Variants in PLCG1 observed in about 807,000 individuals in gnomAD.
PLCG1 encodes the protein phospholipase C gamma 1, also known as 1-phosphatidylinositol 4,5-bisphosphate phosphodiesterase gamma-1.
In PLCG1, 71 loss-of-function variants were observed where a neutral mutation model predicts 177.8. That is an observed-to-expected ratio of 0.40 (90% CI 0.33 to 0.49). The LOEUF (loss-of-function observed/expected upper bound fraction) is 0.49, where lower values mean the gene tolerates loss of function less well. PLCG1 is among the 20% of genes least tolerant of loss of function. The pLI is 0.72. For missense variants in PLCG1, 1,281 were observed against 1,709.0 expected (o/e 0.75, Z 4.42); for synonymous variants, 658 against 647.9 (o/e 1.02, Z -0.24).
chr20:41,171,457 G>A (rs955682425), intron 24 of PLCG1, among the ~76,000 whole-genome samples: 4 of 151,874 alleles, frequency 2.6e-5, no homozygotes, highest in East Asian at 1.9e-4. Context: ...CATGTTGGCC[G>A]GCACCTGTAA....
In PLCG1 at chr20:41,160,283, C is replaced by T. The variant is rs2035454983; in HGVS notation, c.512+130C>T. On this transcript the variant is annotated intron_variant, in intron 4 of 31. Coordinates refer to ENST00000685551, the MANE Select transcript of PLCG1 (RefSeq NM_002660.3). The surrounding 1 kb of genome is among the most constrained non-coding windows in gnomAD (Gnocchi z 5.5). ...CCTTAAGTGGGGCCAGGAGGGTGGG[C>T]AGAAGGTTCTGCCACGTGTAGCTTT... The T allele has an allele frequency of 2.5e-6, 2 of 805,826 alleles. No individual in the cohort carries two copies. The highest frequency in any genetic ancestry group is 5.2e-5 in the East Asian group (2 of 38,410). The allele number at this position is 805,826 out of a possible 1,614,324, so 49.9% of individuals were successfully genotyped here. A position where few individuals can be genotyped will look rare whatever the true frequency, so the allele number is the denominator to read the frequency against.
Position 41,170,182 on chromosome 20 carries a change from GT to G in PLCG1, c.2722del (p.Ser908ProfsTer16). On this transcript the variant is annotated frameshift_variant, in exon 24 of 32. Coordinates refer to ENST00000685551, the MANE Select transcript of PLCG1 (RefSeq NM_002660.3). LOFTEE classifies it high-confidence loss of function. ...SISMASVAHW[S>X]LDVAADSQEE... ...TCAGCATGGCGTCGGTGGCCCACTG[GT>G]CCCTGGATGTTGCTGCCGACTCACA... The G allele has an allele frequency of 6.2e-7, 1 of 1,614,116 alleles. No homozygotes were observed. Among genetic ancestry groups the G allele is most frequent in the Non-Finnish European group, 8.5e-7 (1 of 1,179,994 alleles).
Position 41,163,939 on chromosome 20 carries a change from G to T in PLCG1, c.1029G>T (p.Gln343His), listed in dbSNP as rs1196868443. The T allele has an allele frequency of 1.2e-6, 2 of 1,614,182 alleles. No individual in the cohort carries two copies. The highest frequency in any genetic ancestry group is 1.7e-6 in the Non-Finnish European group (2 of 1,180,034). The stretch of plus-strand genomic sequence containing the variant: ...TATCCAGGTACCTGACCGGGGACCA[G>T]TTCTCCAGTGAGTCCTCCTTGGAAG... Reference protein sequence around the residue: ...SSHNTYLTGDQFSSESSLEAY... With the variant: ...SSHNTYLTGDHFSSESSLEAY... Residue 343 changes from glutamine to histidine, a missense_variant, in exon 11 of 32, where the codon CAG (glutamine) becomes CAT (histidine). Physicochemically the swap from Gln to His is conservative, Grantham distance 24. Coordinates refer to ENST00000685551, the MANE Select transcript of PLCG1 (RefSeq NM_002660.3). This position sits in a 1 kb window ranked among gnomAD's most constrained non-coding sequence, Gnocchi z 5.2.
At chr20:41,141,125 G>A (rs928933767) in intron 1 of PLCG1, among the ~76,000 whole-genome samples, 4 of 152,180 alleles carry the variant, frequency 2.6e-5, no homozygotes, top group Non-Finnish European at 4.4e-5. Context: ...GTTCAGACTC[G>A]TGTTTAATGA....
rs902300408 is a variant in PLCG1, at chr20:41,174,602, C to T, written c.*93C>T. 6 of 1,126,272 alleles carry T rather than the reference C, an allele frequency of 5.3e-6. No individual in the cohort carries two copies. Among genetic ancestry groups the T allele is most frequent in the Non-Finnish European group, 7.9e-6 (6 of 761,906 alleles). The allele number at this position is 1,126,272 out of a possible 1,614,324, so 69.8% of individuals were successfully genotyped here. On this transcript the variant is annotated 3_prime_UTR_variant, in exon 32 of 32. Coordinates refer to ENST00000685551, the MANE Select transcript of PLCG1 (RefSeq NM_002660.3). This position sits in a 1 kb window ranked among gnomAD's most constrained non-coding sequence, Gnocchi z 5.8. Reference sequence around the variant, plus strand: ...TTTGGAAGCAGCCCCCTGTGGCGGCCTTCCGGGTCTCGCAGCCTGAAGCCT... The same window carrying T: ...TTTGGAAGCAGCCCCCTGTGGCGGCTTTCCGGGTCTCGCAGCCTGAAGCCT...
Position 41,168,843 on chromosome 20 carries a change from A to G in PLCG1, c.2456A>G (p.Gln819Arg). Residue 819 changes from glutamine (Q) to arginine (R), a missense_variant, in exon 21 of 32, where the codon CAG becomes CGG. This residue lies in a region of PLCG1 where 723 missense variants were observed against 1,030.0 expected (regional missense o/e 0.70). Coordinates refer to ENST00000685551, the MANE Select transcript of PLCG1 (RefSeq NM_002660.3). ...ACCTTCATCAAGAGCGCCATCATCC[A>G]GAATGTGGAGAAGCAAGAGGGAGGC... is the stretch of plus-strand genomic sequence containing the variant. ...ELTFIKSAII[Q>R]NVEKQEGGWW... 2.5e-6 allele frequency: 4 copies of G among 1,611,662 alleles called. No individual in the cohort carries two copies. The highest frequency in any genetic ancestry group is 3.4e-6 in the Non-Finnish European group (4 of 1,178,782).
Position 41,151,508 on chromosome 20 carries a change from C to T in PLCG1, c.218-8098C>T, listed in dbSNP as rs1468841424. On this transcript the variant is annotated intron_variant, in intron 1 of 31. Coordinates refer to ENST00000685551, the MANE Select transcript of PLCG1 (RefSeq NM_002660.3). This position sits in a 1 kb window ranked among gnomAD's most constrained non-coding sequence, Gnocchi z 5.5. ...CTGTGACCTCAGAAGTCCCTGAACC[C>T]AGATCCTTGTTTGTAAAATGGAAAG... Among the ~76,000 whole-genome samples the T allele has an allele frequency of 6.6e-6, 1 of 152,238 alleles. No homozygotes were observed. The highest frequency in any genetic ancestry group is 1.5e-5 in the Non-Finnish European group (1 of 68,044).
At position 41,144,970 on chromosome 20, in the gene PLCG1, G is replaced by A. The variant is rs1186431141; in HGVS notation, c.217+7112G>A. On this transcript the variant is annotated intron_variant, in intron 1 of 31. Transcript: ENST00000685551. This position sits in a 1 kb window ranked among gnomAD's most constrained non-coding sequence, Gnocchi z 4.1. ...CTCTGGCATTTGCTAACTGTGCCAA[G>A]CACTGTGGAGACCAGTAGTGGACAT... 6.6e-6 allele frequency among the ~76,000 whole-genome samples: 1 copy of A among 152,188 alleles called. No homozygotes were observed. The highest frequency in any genetic ancestry group is 1.5e-5 in the Non-Finnish European group (1 of 68,034).
In PLCG1 at chr20:41,156,326, G is replaced by A. The variant is rs1378689186; in HGVS notation, c.218-3280G>A. On this transcript the variant is annotated intron_variant, in intron 1 of 31. Transcript: ENST00000685551. This position sits in a 1 kb window ranked among gnomAD's most constrained non-coding sequence, Gnocchi z 5.0. ...CCAGGCAGCATTCACTGTGGGCTTG[G>A]GGACATGGTGCCATTCCTGAAGCCT... Among the ~76,000 whole-genome samples the A allele has an allele frequency of 1.3e-5, 2 of 152,164 alleles. No homozygotes were observed. Among genetic ancestry groups the A allele is most frequent in the Non-Finnish European group, 2.9e-5 (2 of 68,016 alleles).
In PLCG1 at chr20:41,174,495, G is replaced by C; in HGVS notation, c.3862G>C (p.Asp1288His). ...CCCAAGAAGGACTCGGGTCAATGGAGACAACCGCCTCTAGTTGTACCCCAG... is the reference window on the plus strand; with the variant it reads ...CCCAAGAAGGACTCGGGTCAATGGACACAACCGCCTCTAGTTGTACCCCAG... ...RAPRRTRVNGDNRL is the reference protein window; with the variant it reads ...RAPRRTRVNGHNRL Residue 1288 changes from aspartate (D) to histidine (H), a missense_variant, in exon 32 of 32, where the codon GAC becomes CAC. Asp to His is a moderately conservative substitution (Grantham distance 81, BLOSUM62 -1). Transcript: ENST00000685551. The surrounding 1 kb of genome is among the most constrained non-coding windows in gnomAD (Gnocchi z 5.8). The C allele has an allele frequency of 6.3e-7, 1 of 1,582,944 alleles. No homozygotes were observed.
rs2035026341 is a variant in PLCG1, at chr20:41,147,358, C to G, written c.217+9500C>G. On this transcript the variant is annotated intron_variant, in intron 1 of 31. Coordinates refer to ENST00000685551, the MANE Select transcript of PLCG1 (RefSeq NM_002660.3). This position sits in a 1 kb window ranked among gnomAD's most constrained non-coding sequence, Gnocchi z 4.0. Reference sequence around the variant, plus strand: ...TGAGAACAGAATGTCTGTTGCCAGACTGATCACAAGAGGATGGCCTGGTTC... The same window carrying G: ...TGAGAACAGAATGTCTGTTGCCAGAGTGATCACAAGAGGATGGCCTGGTTC... Among the ~76,000 whole-genome samples, 1 of 152,250 alleles carries G rather than the reference C, an allele frequency of 6.6e-6. No individual in the cohort carries two copies. The highest frequency in any genetic ancestry group is 2.4e-5 in the African/African-American group (1 of 41,464).
chr20:41,152,139 G>A (rs758696474), intron 1 of PLCG1, among the ~76,000 whole-genome samples: 102 of 152,010 alleles, frequency 6.7e-4, no homozygotes, highest in Non-Finnish European at 1.2e-3. Flanking sequence ...TGGGGAACTG[G>A]GAGGGACTCA....
Position 41,153,312 on chromosome 20 carries a change from G to T in PLCG1, c.218-6294G>T, listed in dbSNP as rs1441685112. 2.6e-5 allele frequency among the ~76,000 whole-genome samples: 4 copies of T among 152,114 alleles called. No individual in the cohort carries two copies. The highest frequency in any genetic ancestry group is 4.8e-5 in the African/African-American group (2 of 41,418). On this transcript the variant is annotated intron_variant, in intron 1 of 31. Transcript: ENST00000685551. The surrounding 1 kb of genome is among the most constrained non-coding windows in gnomAD (Gnocchi z 5.1). ...GTTTTTAGAGAAAGGATCTCGCTTTGTTGGCCAGGCTGGAGTACAGTACTG... is the reference window on the plus strand; with the variant it reads ...GTTTTTAGAGAAAGGATCTCGCTTTTTTGGCCAGGCTGGAGTACAGTACTG...
intron 1 of PLCG1, among the ~76,000 whole-genome samples, chr20:41,154,497 C>A (rs569998617): frequency 6.6e-6 from 1 of 152,294 alleles, no homozygotes; most frequent in East Asian, 1.9e-4. Flanking sequence ...TGAACTCTGC[C>A]GGGGCAACAG....
chr20:41,141,473 C>A (rs541340546), intron 1 of PLCG1, among the ~76,000 whole-genome samples: 31 of 152,368 alleles, frequency 2.0e-4, no homozygotes, highest in African/African-American at 7.2e-4. Flanking sequence ...TGGGGCTTGA[C>A]CCCTGTGGCT....
chr20:41,138,552 C>T (rs2034695668), intron 1 of PLCG1, among the ~76,000 whole-genome samples: 1 of 151,152 alleles, frequency 6.6e-6, no homozygotes, highest in East Asian at 2.0e-4. Context: ...GGCAGACACT[C>T]AATGCCAGGG....
chr20:41,154,857 G>A lies in PLCG1; in HGVS notation c.218-4749G>A, dbSNP rs992177522. On this transcript the variant is annotated intron_variant, in intron 1 of 31. Coordinates refer to ENST00000685551, the MANE Select transcript of PLCG1 (RefSeq NM_002660.3). ...GGCAGGTTCTCAGCTGGCCCTGAGG[G>A]TTGTATAGCTTCACAGCTCCCAGAG... Among the ~76,000 whole-genome samples, 5 of 152,354 alleles carry A rather than the reference G, an allele frequency of 3.3e-5. No individual in the cohort carries two copies. In the South Asian group the frequency reaches 8.3e-4, roughly 25 times the overall value.
Position 41,167,727 on chromosome 20 carries a change from G to T in PLCG1, c.2302-125G>T. The T allele has an allele frequency of 1.4e-6, 1 of 698,642 alleles. No individual in the cohort carries two copies. The highest frequency in any genetic ancestry group is 1.8e-5 in the African/African-American group (1 of 56,932). The allele number at this position is 698,642 out of a possible 1,614,324, so 43.3% of individuals were successfully genotyped here. On this transcript the variant is annotated intron_variant, in intron 19 of 31. Transcript: ENST00000685551. The surrounding 1 kb of genome is among the most constrained non-coding windows in gnomAD (Gnocchi z 4.4). ...GAAGCCGTCTCTACTGAGGTCGAAG[G>T]ATCCCTGTGGATCAGGTGCAAGTTT...
chr20:41,174,418 G>A lies in PLCG1; in HGVS notation c.3834-49G>A. ...AAAGTTGTAATATTGTCTGGCATTG[G>A]GCTGCAAGGCCCTGCCTGCCAGTAA... On this transcript the variant is annotated intron_variant, in intron 31 of 31. Coordinates refer to ENST00000685551, the MANE Select transcript of PLCG1 (RefSeq NM_002660.3). The surrounding 1 kb of genome is among the most constrained non-coding windows in gnomAD (Gnocchi z 5.8). The A allele has an allele frequency of 6.3e-7, 1 of 1,591,266 alleles. No individual in the cohort carries two copies. Among genetic ancestry groups the A allele is most frequent in the Non-Finnish European group, 8.6e-7 (1 of 1,165,304 alleles).
Sources: gnomAD v4.1 joint callset for allele counts (sites outside exome capture counted in the v4.1 genomes callset) on GRCh38, gnomAD v4.1.1 for gene constraint, gnomAD v4.1.1 regional missense constraint, Gnocchi (gnomAD v3.1) non-coding constraint, MANE v1.5 for transcripts, NCBI Gene and HGNC (gene_info 2026-07-23, HGNC 2026-07-21) for gene names.